The following FAM193A variants were observed in gnomAD, a reference collection of about 807,000 sequenced individuals.
The protein encoded by FAM193A is protein FAM193A.
FAM193A carries 22 observed loss-of-function variants against 126.5 expected under a neutral mutation model. The observed-to-expected ratio is 0.17, with a 90% CI of 0.12 to 0.25. The LOEUF is 0.25. FAM193A is among the 10% of genes least tolerant of loss of function. FAM193A has a pLI of 1.00. For missense variants in FAM193A, 1,675 were observed against 1,672.8 expected (o/e 1.00, Z -0.02); for synonymous variants, 761 against 646.8 (o/e 1.18, Z -2.68).
chr4:2,635,277 AG>A (rs1261862726), intron 5 of FAM193A, among the ~76,000 whole-genome samples: 1 of 152,212 alleles, frequency 6.6e-6, no homozygotes, highest in East Asian at 1.9e-4. Flanking sequence ...TCGGTGTCTC[AG>A]GGCAGTAATT....
chr4:2,635,827 C>G (rs576782046), intron 5 of FAM193A, among the ~76,000 whole-genome samples: 1 of 152,176 alleles, frequency 6.6e-6, no homozygotes, highest in Non-Finnish European at 1.5e-5. Flanking sequence ...CGTGAGCCAG[C>G]GCACCCGGCC....
chr4:2,672,118 T>C lies in FAM193A; in HGVS notation c.2080-3T>C, dbSNP rs1713870007. ...TAGGTATGTTTTTTTTCTTTCCTCT[T>C]AGGCTGAACAAGCTCCAAACACTTG... On this transcript the variant is annotated splice_region_variant and splice_polypyrimidine_tract_variant and intron_variant, in intron 12 of 20. Coordinates refer to ENST00000637812, the MANE Select transcript of FAM193A (RefSeq NM_001366318.2). The C allele has an allele frequency of 6.2e-7, 1 of 1,614,100 alleles. No homozygotes were observed. The highest frequency in any genetic ancestry group is 8.5e-7 in the Non-Finnish European group (1 of 1,179,932).
rs767821001 is a variant in FAM193A, at chr4:2,672,193, A to G, written c.2152A>G (p.Met718Val). 11 of 1,614,074 alleles carry G rather than the reference A, an allele frequency of 6.8e-6. No homozygotes were observed. The highest frequency in any genetic ancestry group is 4.5e-5 in the East Asian group (2 of 44,898). Reference protein sequence around the residue: ...QEASGLTPSAMTAGALPPGHQ... With the variant: ...QEASGLTPSAVTAGALPPGHQ... Reference sequence around the variant, plus strand: ...AGCTTCTGGACTGACACCATCTGCAATGACAGCCGGAGCCCTTCCTCCTGG... The same window carrying G: ...AGCTTCTGGACTGACACCATCTGCAGTGACAGCCGGAGCCCTTCCTCCTGG... The change falls in exon 13 of 21, where the codon ATG (methionine) becomes GTG (valine). Residue 718 changes from methionine (M) to valine (V), a missense_variant. Met to Val is a conservative substitution (Grantham distance 21, BLOSUM62 1). Coordinates refer to ENST00000637812, the MANE Select transcript of FAM193A (RefSeq NM_001366318.2).
chr4:2,672,285 A>C lies in FAM193A; in HGVS notation c.2244A>C (p.Gly748=). 6.2e-7 allele frequency: 1 copy of C among 1,614,148 alleles called. No homozygotes were observed. Among genetic ancestry groups the C allele is most frequent in the Non-Finnish European group, 8.5e-7 (1 of 1,180,012 alleles). Residue 748 remains glycine, a synonymous_variant, in exon 13 of 21, where the codon GGA becomes GGC. Coordinates refer to ENST00000637812, the MANE Select transcript of FAM193A (RefSeq NM_001366318.2). ...PALHLYPHIH[G]HVPLHTVPHL... ...TGCACCTTTACCCTCACATCCATGG[A>C]CATGTGCCTTTGCACACTGTTCCAC...
intron 1 of FAM193A, among the ~76,000 whole-genome samples, chr4:2,572,520 CTG>C (rs2108861777): frequency 6.6e-6 from 1 of 152,074 alleles, no homozygotes; most frequent in East Asian, 1.9e-4. Context: ...GATTTGTAAA[CTG>C]AGAGATGGAA....
intron 1 of FAM193A, among the ~76,000 whole-genome samples, chr4:2,554,398 A>G (rs1032669065): frequency 1.3e-5 from 2 of 152,106 alleles, no homozygotes; most frequent in Admixed American, 1.3e-4. Flanking sequence ...GTATCTCTCT[A>G]TTACTGAATT....
intron 1 of FAM193A, among the ~76,000 whole-genome samples, chr4:2,560,726 C>T (rs1245711239): frequency 6.6e-6 from 1 of 152,160 alleles, no homozygotes; most frequent in Non-Finnish European, 1.5e-5. Flanking sequence ...TCGTTTCTCT[C>T]CTGTGTCTTG....
At chr4:2,647,329 A>G (rs894115808) in intron 7 of FAM193A, among the ~76,000 whole-genome samples, 1 of 152,022 alleles carries the variant, frequency 6.6e-6, no homozygotes, top group African/African-American at 2.4e-5. Flanking sequence ...TATTTTTAGT[A>G]GAGACAGGGT....
chr4:2,567,903 T>C (rs1739062652), intron 1 of FAM193A, among the ~76,000 whole-genome samples: 1 of 152,216 alleles, frequency 6.6e-6, no homozygotes, highest in African/African-American at 2.4e-5. Context: ...TTTCTTCCAT[T>C]ACCCTGTGCC....
intron 1 of FAM193A, among the ~76,000 whole-genome samples, chr4:2,546,236 C>T (rs1048884695): frequency 1.1e-4 from 16 of 151,870 alleles, no homozygotes; most frequent in African/African-American, 3.9e-4. Context: ...AAGCAGTCCT[C>T]CTACCTTGGC....
chr4:2,679,096 C>T (rs1213534956), intron 13 of FAM193A, among the ~76,000 whole-genome samples: 2 of 152,036 alleles, frequency 1.3e-5, no homozygotes, highest in African/African-American at 2.4e-5. Flanking sequence ...TCCTTCTATT[C>T]CTAGTTTGTT....
At chr4:2,591,278 T>C (rs926575580) in intron 1 of FAM193A, among the ~76,000 whole-genome samples, 2 of 151,996 alleles carry the variant, frequency 1.3e-5, no homozygotes, top group African/African-American at 4.8e-5. Flanking sequence ...TGTGGAACTG[T>C]AAGGAGTTTC....
intron 1 of FAM193A, among the ~76,000 whole-genome samples, chr4:2,584,438 A>AG (rs1740120633): frequency 6.6e-6 from 1 of 151,716 alleles, no homozygotes; most frequent in East Asian, 1.9e-4. Context: ...AAAAAAAAAA[A>AG]AAACACCCAT....
chr4:2,558,046 G>C (rs1470385109), intron 1 of FAM193A, among the ~76,000 whole-genome samples: 1 of 152,138 alleles, frequency 6.6e-6, no homozygotes, highest in Non-Finnish European at 1.5e-5. Context: ...GCCGAGGTGG[G>C]TGGATCAGTT....
chr4:2,668,947 G>C (rs1256300864), intron 12 of FAM193A, among the ~76,000 whole-genome samples: 1 of 151,838 alleles, frequency 6.6e-6, no homozygotes, highest in Admixed American at 6.6e-5. Flanking sequence ...GGTTCAAGCA[G>C]TTCTCCTGCC....
chr4:2,626,647 C>T (rs908459250), intron 4 of FAM193A, 70 bp downstream of exon 4: 1 of 652,804 alleles, frequency 1.5e-6, no homozygotes, highest in African/African-American at 1.8e-5. Context: ...TGGAGCCACT[C>T]CTTTCAGGAT....
At chr4:2,720,293 A>G (rs1246848037) in intron 20 of FAM193A, among the ~76,000 whole-genome samples, 1 of 152,236 alleles carries the variant, frequency 6.6e-6, no homozygotes, top group Non-Finnish European at 1.5e-5. Context: ...TACATAGGAA[A>G]TATAAAAGAA....
chr4:2,545,075 C>T (rs1485949738), intron 1 of FAM193A, among the ~76,000 whole-genome samples: 1 of 152,100 alleles, frequency 6.6e-6, no homozygotes, highest in Non-Finnish European at 1.5e-5. Flanking sequence ...TCACTGCAAC[C>T]TCTGCCTCCT....
intron 1 of FAM193A, among the ~76,000 whole-genome samples, chr4:2,543,772 C>T (rs574757186): frequency 1.4e-5 from 2 of 146,998 alleles, no homozygotes; most frequent in East Asian, 4.1e-4. Context: ...ACATGAGAAT[C>T]GCCTGAACCC....
Sources: gnomAD v4.1 joint callset for allele counts (sites outside exome capture counted in the v4.1 genomes callset) on GRCh38, gnomAD v4.1.1 for gene constraint, MANE v1.5 for transcripts, NCBI Gene and HGNC (gene_info 2026-07-23, HGNC 2026-07-21) for gene names.